DAB1: variants seen among roughly 807,000 people sequenced by gnomAD.
DAB1 encodes the protein DAB adaptor protein 1.
DAB1 carries 15 observed loss-of-function variants against 64.6 expected under a neutral mutation model. The observed-to-expected ratio is 0.23, with a 90% confidence interval of 0.16 to 0.36. The LOEUF (loss-of-function observed/expected upper bound fraction) is 0.36, where lower values mean the gene tolerates loss of function less well. DAB1 is among the 10% of genes least tolerant of loss of function. DAB1 has a pLI of 1.00. For synonymous variants in DAB1, 235 were observed against 251.9 expected, an observed-to-expected ratio of 0.93 and a Z score of 0.64; for missense variants, 596 against 706.7, an observed-to-expected ratio of 0.84 and a Z score of 1.78.
At chr1:57,178,836 T>C (rs1445858685) in intron 2 of DAB1, among the ~76,000 whole-genome samples, 3 of 150,990 alleles carry the variant, frequency 2.0e-5, no homozygotes, top group African/African-American at 7.3e-5. Context: ...GCACCTAAGA[T>C]AGTGTGTGGT....
At chr1:57,350,302 C>T (rs1046135104) in intron 1 of DAB1, among the ~76,000 whole-genome samples, 4 of 152,152 alleles carry the variant, frequency 2.6e-5, no homozygotes, top group South Asian at 2.1e-4. Context: ...CCAGCTTTTA[C>T]GTGGTGTAGC....
At chr1:57,123,755 T>C (rs1244496539) in intron 4 of DAB1, among the ~76,000 whole-genome samples, 1 of 152,162 alleles carries the variant, frequency 6.6e-6, no homozygotes, top group Non-Finnish European at 1.5e-5. Flanking sequence ...TGTAGAAGAA[T>C]AATTAGTGGA....
At chr1:57,141,512 C>T (rs556575935) in intron 3 of DAB1, among the ~76,000 whole-genome samples, 1 of 152,292 alleles carries the variant, frequency 6.6e-6, no homozygotes, top group South Asian at 2.1e-4. Context: ...GTAATAGCTT[C>T]CCACTGTTGC....
At position 57,322,987 on chromosome 1, in the gene DAB1, A is replaced by G. The variant is rs1041379704; in HGVS notation, c.-136-31821T>C. Among the ~76,000 whole-genome samples, 3 of 152,140 alleles carry G rather than the reference A, an allele frequency of 2.0e-5. No homozygotes were observed. In the South Asian group the frequency reaches 6.2e-4, roughly 32 times the overall value. On this transcript the variant is annotated intron_variant, in intron 1 of 14. Transcript: ENST00000371236. ...TTCTGGAATGTTAATACGTTTATGA[A>G]TGACTAGTGATCTGCTAAAGTTTAG...
intron 1 of DAB1, among the ~76,000 whole-genome samples, chr1:57,384,025 T>A (rs12125219): frequency 6.6e-6 from 1 of 151,958 alleles, no homozygotes; most frequent in Non-Finnish European, 1.5e-5. Context: ...CCAGAATATA[T>A]AAAGTATTCT....
chr1:58,056,546 T>A (rs1557630133), intron 5 of DAB1: 1 of 875,918 alleles, frequency 1.1e-6, no homozygotes, highest in East Asian at 2.4e-5. Flanking sequence ...ACCTTGCTCA[T>A]CACAACCTAA....
intron 4 of DAB1, among the ~76,000 whole-genome samples, chr1:57,090,081 T>C (rs1036830138): frequency 1.3e-5 from 2 of 152,202 alleles, no homozygotes; most frequent in Admixed American, 6.5e-5. Context: ...ACTGCTGCAA[T>C]GCATTCTTTC....
At chr1:58,339,487 G>C (rs1251677646) in intron 4 of DAB1, among the ~76,000 whole-genome samples, 1 of 152,090 alleles carries the variant, frequency 6.6e-6, no homozygotes, top group South Asian at 2.1e-4. Flanking sequence ...AAATATAATA[G>C]AGTAAGGCTT....
chr1:58,332,475 GC>G (rs1401083715), intron 4 of DAB1, among the ~76,000 whole-genome samples: 2 of 152,114 alleles, frequency 1.3e-5, no homozygotes, highest in African/African-American at 4.8e-5. Context: ...GGTTTCCAGT[GC>G]ACATAAAAGT....
intron 1 of DAB1, among the ~76,000 whole-genome samples, chr1:57,875,962 TG>T (rs1459674739): frequency 6.6e-6 from 1 of 152,194 alleles, no homozygotes; most frequent in African/African-American, 2.4e-5. Context: ...CAGCGATCGT[TG>T]TCACTGCTAA....
intron 5 of DAB1, among the ~76,000 whole-genome samples, chr1:58,102,304 A>C (rs1651370817): frequency 6.6e-6 from 1 of 152,118 alleles, no homozygotes; most frequent in East Asian, 1.9e-4. Context: ...TGATGGGGAG[A>C]GGAAAGGAGG....
chr1:58,300,382 C>T (rs1231337359), intron 4 of DAB1, among the ~76,000 whole-genome samples: 1 of 151,626 alleles, frequency 6.6e-6, no homozygotes, highest in Non-Finnish European at 1.5e-5. Context: ...CCCGTCTCTA[C>T]TGAAAATACA....
chr1:57,920,673 C>G (rs1247399217), intron 5 of DAB1, among the ~76,000 whole-genome samples: 1 of 152,084 alleles, frequency 6.6e-6, no homozygotes, highest in Non-Finnish European at 1.5e-5. Context: ...GCTCCACATC[C>G]TCATGTACAA....
intron 11 of DAB1, among the ~76,000 whole-genome samples, chr1:57,022,483 G>A (rs1646652510): frequency 6.6e-6 from 1 of 152,118 alleles, no homozygotes; most frequent in Non-Finnish European, 1.5e-5. Flanking sequence ...TAGATCCAAG[G>A]GTTACCAACC....
chr1:57,139,848 T>G (rs1179525396), intron 3 of DAB1, among the ~76,000 whole-genome samples: 1 of 152,128 alleles, frequency 6.6e-6, no homozygotes, highest in Admixed American at 6.6e-5. Context: ...CCAACATACA[T>G]GTTCCAGGAG....
chr1:57,101,656 T>A (rs1048430753), intron 4 of DAB1, among the ~76,000 whole-genome samples: 2 of 152,232 alleles, frequency 1.3e-5, no homozygotes, highest in African/African-American at 4.8e-5. Context: ...GATTCATCCA[T>A]CCACTCATCC....
At chr1:57,619,334 G>A (rs985843815) in intron 7 of DAB1, among the ~76,000 whole-genome samples, 5 of 152,162 alleles carry the variant, frequency 3.3e-5, no homozygotes, top group Admixed American at 2.0e-4. Flanking sequence ...ACATGACAAC[G>A]CTGTGCTAGG....
intron 5 of DAB1, among the ~76,000 whole-genome samples, chr1:58,142,532 A>G (rs925878934): frequency 1.3e-5 from 2 of 151,956 alleles, no homozygotes; most frequent in African/African-American, 2.4e-5. Context: ...CCTGGCCCCC[A>G]TAAGAGCCTA....
intron 1 of DAB1, among the ~76,000 whole-genome samples, chr1:57,305,563 C>T (rs905448083): frequency 2.6e-4 from 40 of 152,168 alleles, no homozygotes; most frequent in African/African-American, 9.4e-4. Context: ...GTGAAGCCCT[C>T]CCGCTCCAGG....
Sources: gnomAD v4.1 joint callset for allele counts (sites outside exome capture counted in the v4.1 genomes callset) on GRCh38, gnomAD v4.1.1 for gene constraint, MANE v1.5 for transcripts, NCBI Gene and HGNC (gene_info 2026-07-23, HGNC 2026-07-21) for gene names.